PLCL1: variants seen among roughly 807,000 people sequenced by gnomAD.
The protein encoded by PLCL1 is phospholipase C like 1 (inactive), also known as inactive phospholipase C-like protein 1.
In PLCL1, 41 loss-of-function variants were observed where a neutral mutation model predicts 84.4. The ratio of observed to expected loss-of-function variants is 0.49; its 90% confidence interval spans 0.38 to 0.63. The LOEUF is 0.63. Ranked by LOEUF, PLCL1 falls within the 30% of genes least tolerant of loss-of-function variation. PLCL1 has a pLI of 0.00. For missense variants in PLCL1, 1,206 were observed against 1,367.8 expected (o/e 0.88, Z 1.87); for synonymous variants, 490 against 488.3 (o/e 1.00, Z -0.05).
intron 1 of PLCL1, among the ~76,000 whole-genome samples, chr2:197,918,056 G>A (rs1481818780): frequency 1.3e-5 from 2 of 152,288 alleles, no homozygotes; most frequent in Admixed American, 6.5e-5. Context: ...AACTAGCCAG[G>A]TGAGCAAGGT....
intron 1 of PLCL1, among the ~76,000 whole-genome samples, chr2:197,996,767 C>G (rs1043034743): frequency 1.3e-5 from 2 of 152,092 alleles, no homozygotes; most frequent in African/African-American, 4.8e-5. Flanking sequence ...CTGAACAAAT[C>G]ACTAGTTATC....
chr2:197,993,605 G>A (rs961045198), intron 1 of PLCL1, among the ~76,000 whole-genome samples: 4 of 152,146 alleles, frequency 2.6e-5, no homozygotes, highest in Non-Finnish European at 5.9e-5. Context: ...GAGGGGACAA[G>A]GAGAAGGCAT....
chr2:197,993,222 C>G (rs1200404468), intron 1 of PLCL1, among the ~76,000 whole-genome samples: 1 of 152,134 alleles, frequency 6.6e-6, no homozygotes, highest in Non-Finnish European at 1.5e-5. Flanking sequence ...GAAGTTGTAT[C>G]TCATTGCGGT....
chr2:197,910,673 C>T (rs991014536), intron 1 of PLCL1, among the ~76,000 whole-genome samples: 34 of 152,286 alleles, frequency 2.2e-4, no homozygotes, highest in African/African-American at 7.5e-4. Flanking sequence ...TTATTCCCGG[C>T]AACCCGAAAA....
In PLCL1 at chr2:197,918,742, C is replaced by T. The variant is rs73056840; in HGVS notation, c.240+113403C>T. On this transcript the variant is annotated intron_variant, in intron 1 of 5. Coordinates refer to ENST00000428675, the MANE Select transcript of PLCL1 (RefSeq NM_006226.4). ...TTTGAGACCAGCCTGAGCAACATGG[C>T]GAAACTCAATCTCTGCCAAAAAAAT... 1.3e-4 allele frequency among the ~76,000 whole-genome samples: 19 copies of T among 151,634 alleles called. 1 individual carries two copies. The highest frequency in any genetic ancestry group is 9.2e-4 in the Admixed American group (14 of 15,240).
chr2:198,078,249 T>G (rs1330679639), intron 1 of PLCL1, among the ~76,000 whole-genome samples: 1 of 152,140 alleles, frequency 6.6e-6, no homozygotes, highest in Non-Finnish European at 1.5e-5. Context: ...CCTATTCTTG[T>G]TTGTCAAATG....
At chr2:197,897,102 CTTCT>C (rs1559038422) in intron 1 of PLCL1, among the ~76,000 whole-genome samples, 2 of 37,532 alleles carry the variant, frequency 5.3e-5, no homozygotes, top group African/African-American at 3.0e-4. Flanking sequence ...ATGACTCCTT[CTTCT>C]TCTTCTTCTT....
intron 1 of PLCL1, among the ~76,000 whole-genome samples, chr2:197,914,749 A>G (rs1688558698): frequency 6.6e-6 from 1 of 152,228 alleles, no homozygotes; most frequent in African/African-American, 2.4e-5. Context: ...CAGTTATTGA[A>G]TACCTACTGT....
chr2:197,836,896 TGCTGTGTTGCCCGG>T (rs1346345911), intron 1 of PLCL1, among the ~76,000 whole-genome samples: 1 of 152,088 alleles, frequency 6.6e-6, no homozygotes, highest in African/African-American at 2.4e-5. Flanking sequence ...ATGGAAGTCT[TGCTGTGTTGCCCGG>T]GCTGGTGTTG....
rs45452996 is a variant in PLCL1 at position 198,088,952 on chromosome 2, G to A, written c.2810G>A (p.Ser937Asn). The change falls in exon 3 of 6, where the codon AGT becomes AAT. Residue 937 changes from serine to asparagine, a missense_variant. By Grantham distance (46) the Ser-to-Asn change is conservative. Coordinates refer to ENST00000428675, the MANE Select transcript of PLCL1 (RefSeq NM_006226.4). The part of the protein sequence containing the change: ...LLTLSSRLIT[S>N]DNTPSVSLVM... Reference sequence around the variant, plus strand: ...ACTCTGTCATCTCGGCTCATCACCAGTGACAATACTCCTTCAGTCTCACTT... The same window carrying A: ...ACTCTGTCATCTCGGCTCATCACCAATGACAATACTCCTTCAGTCTCACTT... 5.6e-6 allele frequency: 9 copies of A among 1,612,910 alleles called. No homozygotes were observed. Among genetic ancestry groups the A allele is most frequent in the Non-Finnish European group, 6.8e-6 (8 of 1,178,926 alleles).
intron 1 of PLCL1, among the ~76,000 whole-genome samples, chr2:197,974,308 T>G (rs913441210): frequency 3.3e-5 from 5 of 152,196 alleles, no homozygotes; most frequent in African/African-American, 1.2e-4. Context: ...AGATTTCAAT[T>G]TGGGAACCAT....
At chr2:197,972,590 T>C (rs1574976443) in intron 1 of PLCL1, among the ~76,000 whole-genome samples, 1 of 152,220 alleles carries the variant, frequency 6.6e-6, no homozygotes. Context: ...TAAGGTGTCA[T>C]ATATCCAAAA....
chr2:197,808,400 T>C (rs1690522347), intron 1 of PLCL1, among the ~76,000 whole-genome samples: 1 of 152,226 alleles, frequency 6.6e-6, no homozygotes, highest in African/African-American at 2.4e-5. Context: ...ATTTATCTGG[T>C]ATTTGATATC....
chr2:197,925,843 A>G (rs1688820896), intron 1 of PLCL1, among the ~76,000 whole-genome samples: 1 of 150,438 alleles, frequency 6.6e-6, no homozygotes, highest in African/African-American at 2.4e-5. Flanking sequence ...TTTTAGCTGG[A>G]GACCTGATTT....
At chr2:198,056,925 A>T (rs1692084945) in intron 1 of PLCL1, among the ~76,000 whole-genome samples, 1 of 152,166 alleles carries the variant, frequency 6.6e-6, no homozygotes, top group Non-Finnish European at 1.5e-5. Flanking sequence ...CGCTATCCAC[A>T]ACCTTGATTT....
intron 1 of PLCL1, among the ~76,000 whole-genome samples, chr2:197,877,133 G>A (rs1355229800): frequency 6.6e-6 from 1 of 152,140 alleles, no homozygotes; most frequent in African/African-American, 2.4e-5. Context: ...AAACCTTTAT[G>A]TGGAAACGGT....
chr2:198,079,790 G>C (rs1277406630), intron 1 of PLCL1, among the ~76,000 whole-genome samples: 1 of 152,060 alleles, frequency 6.6e-6, no homozygotes, highest in African/African-American at 2.4e-5. Flanking sequence ...TGATAATTTG[G>C]AGACTTATGC....
rs182908673 is a variant in PLCL1 at position 197,844,570 on chromosome 2, A to C, written c.240+39231A>C. 3.4e-4 allele frequency among the ~76,000 whole-genome samples: 52 copies of C among 152,252 alleles called. No individual in the cohort carries two copies. The East Asian group carries it at 8.9e-3, about 26-fold the overall frequency. On this transcript the variant is annotated intron_variant, in intron 1 of 5. Transcript: ENST00000428675. ...TTGAGAAACTGAGTATAAAATGTCT[A>C]AGATTATAAGGATCTTTGTGTTATT... is the stretch of plus-strand genomic sequence containing the variant.
chr2:197,842,895 T>C (rs1176970795), intron 1 of PLCL1, among the ~76,000 whole-genome samples: 1 of 152,192 alleles, frequency 6.6e-6, no homozygotes, highest in Non-Finnish European at 1.5e-5. Flanking sequence ...TATTTAACAC[T>C]GAGCCTCATT....
Sources: allele counts gnomAD v4.1 joint callset (sites outside exome capture counted in the v4.1 genomes callset), GRCh38; gene constraint gnomAD v4.1.1; transcripts MANE v1.5; gene names NCBI Gene and HGNC (gene_info 2026-07-23, HGNC 2026-07-21).